CDH13: variants seen among roughly 807,000 people sequenced by gnomAD.
CDH13 encodes cadherin 13.
A neutral mutation model predicts 63.8 loss-of-function variants in CDH13; 24 were observed. That is an observed-to-expected ratio of 0.38 (90% confidence interval 0.27 to 0.53). The LOEUF (loss-of-function observed/expected upper bound fraction) is 0.53, where lower values mean the gene tolerates loss of function less well. CDH13 is among the 20% of genes least tolerant of loss of function. CDH13 has a pLI of 0.85. For missense variants in CDH13, 1,049 were observed against 903.1 expected (o/e 1.16, Z -2.07); for synonymous variants, 503 against 355.3 (o/e 1.42, Z -4.67).
At chr16:82,656,630 C>T (rs749867377) in intron 1 of CDH13, among the ~76,000 whole-genome samples, 11 of 152,220 alleles carry the variant, frequency 7.2e-5, no homozygotes, top group African/African-American at 1.4e-4. Context: ...TGGTGCTGTA[C>T]GGTGTATGGT....
rs79939686 is a variant in CDH13 at position 83,484,515 on chromosome 16, A to G, written c.782-1962A>G. Among the ~76,000 whole-genome samples, 408 of 152,372 alleles carry G rather than the reference A, an allele frequency of 2.7e-3. 2 individuals carry two copies. Among genetic ancestry groups the G allele is most frequent in the African/African-American group, 9.6e-3 (400 of 41,588 alleles). ...GCTATTGTCAATCATCAAAACCAGCAGGCATGTTTTTGTTGGTGCTTATAA... is the reference window on the plus strand; with the variant it reads ...GCTATTGTCAATCATCAAAACCAGCGGGCATGTTTTTGTTGGTGCTTATAA... On this transcript the variant is annotated intron_variant, in intron 6 of 13. Transcript: ENST00000567109.
At chr16:83,622,964 C>G (rs1909949723) in intron 8 of CDH13, among the ~76,000 whole-genome samples, 1 of 152,176 alleles carries the variant, frequency 6.6e-6, no homozygotes, top group Non-Finnish European at 1.5e-5. Context: ...AAAAATAGTA[C>G]AAGGGTGAAT....
chr16:83,544,278 C>T (rs181663824), intron 7 of CDH13, among the ~76,000 whole-genome samples: 11 of 152,248 alleles, frequency 7.2e-5, no homozygotes, highest in South Asian at 2.1e-4. Context: ...GTCTATAGGA[C>T]GATTGAGTCT....
intron 2 of CDH13, among the ~76,000 whole-genome samples, chr16:82,965,145 C>T (rs1178271708): frequency 6.6e-6 from 1 of 152,204 alleles, no homozygotes; most frequent in Non-Finnish European, 1.5e-5. Flanking sequence ...ATTCCCTCTG[C>T]AGTTTCTCTC....
chr16:83,331,074 T>C (rs2090470858), intron 5 of CDH13, among the ~76,000 whole-genome samples: 1 of 152,140 alleles, frequency 6.6e-6, no homozygotes, highest in African/African-American at 2.4e-5. Context: ...GATGAGGAAA[T>C]TGAGATTCTG....
chr16:83,445,796 A>C (rs2072669901), intron 6 of CDH13, among the ~76,000 whole-genome samples: 1 of 152,170 alleles, frequency 6.6e-6, no homozygotes, highest in Non-Finnish European at 1.5e-5. Flanking sequence ...AGAAGTGTTT[A>C]GCTTGGAAAT....
chr16:82,920,454 C>G (rs76308065), intron 2 of CDH13, among the ~76,000 whole-genome samples: 1 of 152,156 alleles, frequency 6.6e-6, no homozygotes, highest in African/African-American at 2.4e-5. Flanking sequence ...ATGTGGCCAA[C>G]AAAGACAACA....
At chr16:83,499,654 C>G (rs1002007410) in intron 7 of CDH13, among the ~76,000 whole-genome samples, 1 of 152,236 alleles carries the variant, frequency 6.6e-6, no homozygotes, top group Non-Finnish European at 1.5e-5. Context: ...AGTAATGCCT[C>G]TCTCAAAGGG....
intron 8 of CDH13, among the ~76,000 whole-genome samples, chr16:83,629,575 A>G (rs1378734976): frequency 6.6e-6 from 1 of 152,216 alleles, no homozygotes; most frequent in African/African-American, 2.4e-5. Context: ...CATCATCTAA[A>G]TTCATAAGCT....
chr16:83,207,552 C>T (rs1461607739), intron 4 of CDH13, among the ~76,000 whole-genome samples: 8 of 152,022 alleles, frequency 5.3e-5, no homozygotes, highest in African/African-American at 1.9e-4. Context: ...TGAGTTGTTC[C>T]CACATTTTGG....
chr16:83,444,382 G>T (rs544491033), intron 6 of CDH13, among the ~76,000 whole-genome samples: 1 of 152,180 alleles, frequency 6.6e-6, no homozygotes, highest in Non-Finnish European at 1.5e-5. Context: ...CCATTTTAAA[G>T]ATATTGAAAC....
intron 1 of CDH13, among the ~76,000 whole-genome samples, chr16:82,670,371 C>A (rs1913094866): frequency 6.6e-6 from 1 of 152,196 alleles, no homozygotes; most frequent in Non-Finnish European, 1.5e-5. Context: ...TCTCCACCTT[C>A]CCCACTGATT....
At chr16:83,144,758 G>C (rs909115851) in intron 4 of CDH13, among the ~76,000 whole-genome samples, 2 of 152,234 alleles carry the variant, frequency 1.3e-5, no homozygotes, top group African/African-American at 4.8e-5. Context: ...CACCTGGGCT[G>C]GGGATCCCAG....
At chr16:83,615,060 A>G (rs1386206591) in intron 8 of CDH13, among the ~76,000 whole-genome samples, 1 of 152,162 alleles carries the variant, frequency 6.6e-6, no homozygotes, top group Admixed American at 6.5e-5. Context: ...TGTTTTTGAT[A>G]GTTTGGTGAC....
At chr16:83,497,603 T>C (rs796632111) in intron 7 of CDH13, among the ~76,000 whole-genome samples, 1 of 152,090 alleles carries the variant, frequency 6.6e-6, no homozygotes, top group South Asian at 2.1e-4. Flanking sequence ...ATGGCACATG[T>C]ATACATATGT....
In CDH13 at chr16:82,860,393, G is replaced by T. The variant is rs959659635; in HGVS notation, c.157+1920G>T. On this transcript the variant is annotated intron_variant, in intron 2 of 13. Transcript: ENST00000567109. ...CACAGTTGTGTGTGTGTGTGTGGGG[G>T]GGGGGGCGGCGGTGTGCGTGTGTGC... Among the ~76,000 whole-genome samples, 10 of 132,772 alleles carry T rather than the reference G, an allele frequency of 7.5e-5. 2 individuals carry two copies. Among genetic ancestry groups the T allele is most frequent in the Admixed American group, 3.0e-4 (4 of 13,204 alleles). The allele number at this position is 132,772 out of a possible 152,430, so 87.1% of individuals were successfully genotyped here. A position where few individuals can be genotyped will look rare whatever the true frequency, so the allele number is the denominator to read the frequency against.
intron 2 of CDH13, among the ~76,000 whole-genome samples, chr16:82,889,672 C>A (rs1415944052): frequency 6.6e-6 from 1 of 152,128 alleles, no homozygotes; most frequent in South Asian, 2.1e-4. Flanking sequence ...TTCTATGATG[C>A]GTTCTGACAG....
intron 1 of CDH13, among the ~76,000 whole-genome samples, chr16:82,790,813 C>G (rs896516057): frequency 1.3e-5 from 2 of 152,158 alleles, no homozygotes; most frequent in African/African-American, 2.4e-5. Flanking sequence ...TGTGAGAACT[C>G]ACTCACTACC....
intron 8 of CDH13, among the ~76,000 whole-genome samples, chr16:83,622,996 C>T (rs1220785518): frequency 6.6e-6 from 1 of 152,196 alleles, no homozygotes; most frequent in Non-Finnish European, 1.5e-5. Context: ...ATTCAGAGTG[C>T]TTTGGGAACA....
Sources: gnomAD v4.1 joint callset for allele counts (sites outside exome capture counted in the v4.1 genomes callset) on GRCh38, gnomAD v4.1.1 for gene constraint, MANE v1.5 for transcripts, NCBI Gene and HGNC (gene_info 2026-07-23, HGNC 2026-07-21) for gene names.